The following KCNQ1 variants were observed in gnomAD, a reference collection of about 807,000 sequenced individuals.
The protein encoded by KCNQ1 is potassium voltage-gated channel subfamily KQT member 1.
Under a neutral mutation model 72.4 loss-of-function variants are expected in KCNQ1, and 49 were observed. The ratio of observed to expected loss-of-function variants is 0.68; its 90% CI spans 0.54 to 0.86. KCNQ1 has a LOEUF of 0.86. KCNQ1 is among the 40% of genes least tolerant of loss of function. The probability of loss-of-function intolerance (pLI) is 0.00; values close to 1 mark genes in which losing one functional copy is unlikely to be tolerated. For missense variants in KCNQ1, 790 were observed against 945.1 expected (o/e 0.84, Z 2.15); for synonymous variants, 450 against 412.6 (o/e 1.09, Z -1.10).
Position 2,803,955 on chromosome 11 carries a change from C to A in KCNQ1, c.1794+25918C>A, listed in dbSNP as rs1390149035. On this transcript the variant is annotated intron_variant, in intron 15 of 15. Transcript: ENST00000155840. The surrounding 1 kb of genome is among the most constrained non-coding windows in gnomAD (Gnocchi z 6.4). ...CAGATCCCACTCGGCTCACACAGAG[C>A]CTTGGCCAGCATGTGGCCGCAGCCC... Among the ~76,000 whole-genome samples, 1 of 152,140 alleles carries A rather than the reference C, an allele frequency of 6.6e-6. No individual in the cohort carries two copies. The highest frequency in any genetic ancestry group is 1.5e-5 in the Non-Finnish European group (1 of 68,036).
rs1846874890 is a variant in KCNQ1, at chr11:2,784,256, GA to G, written c.1794+6223del. The stretch of plus-strand genomic sequence containing the variant: ...ATCCAATTGCCCCAGAACATTTGTT[GA>G]AAATACCCCATTTCCTCCTTTGAAT... On this transcript the variant is annotated intron_variant, in intron 15 of 15. Coordinates refer to ENST00000155840, the MANE Select transcript of KCNQ1 (RefSeq NM_000218.3). This position sits in a 1 kb window ranked among gnomAD's most constrained non-coding sequence, Gnocchi z 4.7. Among the ~76,000 whole-genome samples the G allele has an allele frequency of 6.6e-6, 1 of 151,868 alleles. No homozygotes were observed. The highest frequency in any genetic ancestry group is 6.5e-5 in the Admixed American group (1 of 15,272).
intron 10 of KCNQ1, among the ~76,000 whole-genome samples, chr11:2,606,437 G>A (rs764647031): frequency 2.0e-5 from 3 of 152,236 alleles, no homozygotes; most frequent in East Asian, 1.9e-4. Context: ...GGTAATGAGC[G>A]AATTCTTACT....
chr11:2,468,668 CT>C lies in KCNQ1; in HGVS notation c.386+23185del, dbSNP rs1412012312. ...CCTTGTGGAATTTTATTTGGATGGA[CT>C]CTGGCAGCCAACGCTGGTTTCGTCT... On this transcript the variant is annotated intron_variant, in intron 1 of 15. Transcript: ENST00000155840. The surrounding 1 kb of genome is among the most constrained non-coding windows in gnomAD (Gnocchi z 5.7). Among the ~76,000 whole-genome samples, 1 of 152,160 alleles carries C rather than the reference CT, an allele frequency of 6.6e-6. No homozygotes were observed. The highest frequency in any genetic ancestry group is 2.4e-5 in the African/African-American group (1 of 41,438).
At chr11:2,791,302 C>G (rs959435054) in intron 15 of KCNQ1, among the ~76,000 whole-genome samples, 1 of 152,214 alleles carries the variant, frequency 6.6e-6, no homozygotes, top group South Asian at 2.1e-4. Context: ...GGGAGTCCGG[C>G]TGGGCTGGCC....
chr11:2,471,066 G>A lies in KCNQ1; in HGVS notation c.386+25582G>A, dbSNP rs74434245. On this transcript the variant is annotated intron_variant, in intron 1 of 15. Coordinates refer to ENST00000155840, the MANE Select transcript of KCNQ1 (RefSeq NM_000218.3). The surrounding 1 kb of genome is among the most constrained non-coding windows in gnomAD (Gnocchi z 4.8). ...GCCCGCGGGTTCCAGCACATTTGCT[G>A]GGATGGCCCTCCTCCCTCCACAGCA... is the stretch of plus-strand genomic sequence containing the variant. 0.011 allele frequency among the ~76,000 whole-genome samples: 1,747 copies of A among 152,180 alleles called. 13 individuals carry two copies. The highest frequency in any genetic ancestry group is 0.019 in the Non-Finnish European group (1,323 of 67,982).
chr11:2,521,488 A>G, intron 1 of KCNQ1: 1 of 468,616 alleles, frequency 2.1e-6, no homozygotes, highest in Non-Finnish European at 4.4e-6. Context: ...GATTCAAGAA[A>G]TTAAGCATAC....
intron 1 of KCNQ1, among the ~76,000 whole-genome samples, chr11:2,521,975 G>A (rs144533661): frequency 0.02 from 3,085 of 152,318 alleles, 94 homozygotes; most frequent in African/African-American, 0.063. Flanking sequence ...CCTGCACCCC[G>A]GGGGAGCCCT....
Position 2,724,138 on chromosome 11 carries a change from C to A in KCNQ1, c.1515-44706C>A, listed in dbSNP as rs761779455. On this transcript the variant is annotated intron_variant, in intron 11 of 15. Coordinates refer to ENST00000155840, the MANE Select transcript of KCNQ1 (RefSeq NM_000218.3). The surrounding 1 kb of genome is among the most constrained non-coding windows in gnomAD (Gnocchi z 6.8). ...CTGGACCAGGACGTTCTGGTAAGATCGCCAGGGGGCCGCGACAAGGAGACC... is the reference window on the plus strand; with the variant it reads ...CTGGACCAGGACGTTCTGGTAAGATAGCCAGGGGGCCGCGACAAGGAGACC... 1.3e-5 allele frequency among the ~76,000 whole-genome samples: 2 copies of A among 152,142 alleles called. No individual in the cohort carries two copies. Among genetic ancestry groups the A allele is most frequent in the South Asian group, 4.1e-4 (2 of 4,832 alleles).
intron 2 of KCNQ1, among the ~76,000 whole-genome samples, chr11:2,555,349 C>A (rs2133699831): frequency 6.6e-6 from 1 of 152,318 alleles, no homozygotes; most frequent in East Asian, 1.9e-4. Flanking sequence ...GAGGGGTGCA[C>A]CGTCTTTGGG....
Position 2,605,675 on chromosome 11 carries a change from C to T in KCNQ1, c.1393+16821C>T, listed in dbSNP as rs952070293. 9.2e-5 allele frequency among the ~76,000 whole-genome samples: 14 copies of T among 152,216 alleles called. 1 individual carries two copies. Among genetic ancestry groups the T allele is most frequent in the Admixed American group, 4.6e-4 (7 of 15,278 alleles). ...ATCTCATGCCAGTATCACATTTTCT[C>T]GAATACTGTTACTTTGTAGTCAATT... is the stretch of plus-strand genomic sequence containing the variant. On this transcript the variant is annotated intron_variant, in intron 10 of 15. Coordinates refer to ENST00000155840, the MANE Select transcript of KCNQ1 (RefSeq NM_000218.3).
chr11:2,522,953 C>T (rs910747618), intron 1 of KCNQ1, among the ~76,000 whole-genome samples: 5 of 152,226 alleles, frequency 3.3e-5, no homozygotes, highest in South Asian at 2.1e-4. Flanking sequence ...TGTATTCTCC[C>T]GCAACGCCCA....
chr11:2,646,144 C>T (rs915698626), intron 10 of KCNQ1: 5 of 398,440 alleles, frequency 1.3e-5, no homozygotes, highest in African/African-American at 1.0e-4. Context: ...AGTTGAATTC[C>T]AGCATTCTCT....
intron 10 of KCNQ1, chr11:2,639,275 A>G (rs1306946493): frequency 6.6e-6 from 1 of 151,996 alleles, no homozygotes; most frequent in Admixed American, 6.5e-5. Flanking sequence ...GTTCCTTTGG[A>G]TGGGGAGAGG....
At chr11:2,545,164 A>G (rs1847887770) in intron 2 of KCNQ1, among the ~76,000 whole-genome samples, 1 of 152,164 alleles carries the variant, frequency 6.6e-6, no homozygotes, top group South Asian at 2.1e-4. Context: ...TTCTTTTTGT[A>G]TATCACTGGA....
chr11:2,612,232 C>T lies in KCNQ1; in HGVS notation c.1393+23378C>T. ...CTGCCTCCTGTCTGATCAGTGATGGCATTAGATTCTCACAGAGAGCAAATC... is the reference window on the plus strand; with the variant it reads ...CTGCCTCCTGTCTGATCAGTGATGGTATTAGATTCTCACAGAGAGCAAATC... On this transcript the variant is annotated intron_variant, in intron 10 of 15. Coordinates refer to ENST00000155840, the MANE Select transcript of KCNQ1 (RefSeq NM_000218.3). The surrounding 1 kb of genome is among the most constrained non-coding windows in gnomAD (Gnocchi z 5.5). 1 of 398,596 alleles carries T rather than the reference C, an allele frequency of 2.5e-6. No homozygotes were observed. The highest frequency in any genetic ancestry group is 3.6e-5 in the East Asian group (1 of 28,072). The allele number at this position is 398,596 out of a possible 1,614,324, so 24.7% of individuals were successfully genotyped here.
chr11:2,766,312 C>A lies in KCNQ1; in HGVS notation c.1515-2532C>A, dbSNP rs1476385932. Among the ~76,000 whole-genome samples, 1 of 152,208 alleles carries A rather than the reference C, an allele frequency of 6.6e-6. No homozygotes were observed. Among genetic ancestry groups the A allele is most frequent in the Non-Finnish European group, 1.5e-5 (1 of 68,038 alleles). On this transcript the variant is annotated intron_variant, in intron 11 of 15. Coordinates refer to ENST00000155840, the MANE Select transcript of KCNQ1 (RefSeq NM_000218.3). This position sits in a 1 kb window ranked among gnomAD's most constrained non-coding sequence, Gnocchi z 4.4. ...GTCTCACTTGGATTCGATGACATGG[C>A]AGTACTTGCATGGTGATGTGGTGGT...
intron 1 of KCNQ1, among the ~76,000 whole-genome samples, chr11:2,525,621 G>A (rs1423769030): frequency 6.6e-6 from 1 of 152,244 alleles, no homozygotes; most frequent in Admixed American, 6.5e-5. Flanking sequence ...TGCAGCCAGC[G>A]CTTTGGGCAG....
At chr11:2,820,353 A>T (rs1022016568) in intron 15 of KCNQ1, among the ~76,000 whole-genome samples, 14 of 152,302 alleles carry the variant, frequency 9.2e-5, no homozygotes, top group African/African-American at 3.1e-4. Flanking sequence ...AAACTTCAAG[A>T]TGTATCCATC....
chr11:2,445,476 C>T lies in KCNQ1; in HGVS notation c.378C>T (p.His126=). The change falls in exon 1 of 16, where the codon CAC becomes CAT. Residue 126 remains histidine (H), a synonymous_variant. Transcript: ENST00000155840. ...RPTGWKCFVY[H]FAVFLIVLVC... The stretch of plus-strand genomic sequence containing the variant: ...CCGGCTGGAAATGCTTCGTTTACCA[C>T]TTCGCCGTGTGAGTATCGCCACCGG... The T allele has an allele frequency of 6.3e-7, 1 of 1,595,272 alleles. No individual in the cohort carries two copies. Among genetic ancestry groups the T allele is most frequent in the Middle Eastern group, 1.7e-4 (1 of 6,024 alleles).
Sources: gnomAD v4.1 joint callset for allele counts (sites outside exome capture counted in the v4.1 genomes callset) on GRCh38, gnomAD v4.1.1 for gene constraint, Gnocchi (gnomAD v3.1) non-coding constraint, MANE v1.5 for transcripts, NCBI Gene and HGNC (gene_info 2026-07-23, HGNC 2026-07-21) for gene names.